The following LARP1B variants were observed in gnomAD, a reference collection of about 807,000 sequenced individuals.
LARP1B encodes the protein la-related protein 1B.
A neutral mutation model predicts 114.2 loss-of-function variants in LARP1B; 76 were observed. The ratio of observed to expected loss-of-function variants is 0.67; its 90% CI spans 0.55 to 0.81. LARP1B has a LOEUF of 0.81. Ranked by LOEUF, LARP1B falls within the 30% of genes least tolerant of loss-of-function variation. LARP1B has a pLI of 0.00. For missense variants in LARP1B, 1,014 were observed against 1,075.8 expected, an observed-to-expected ratio of 0.94 and a Z score of 0.80; for synonymous variants, 345 against 348.0, an observed-to-expected ratio of 0.99 and a Z score of 0.10.
In LARP1B at chr4:128,210,110, C is replaced by T; in HGVS notation, c.*57C>T. On this transcript the variant is annotated 3_prime_UTR_variant, in exon 20 of 20. Coordinates refer to ENST00000326639, the MANE Select transcript of LARP1B (RefSeq NM_018078.4). ...AATGGTGAAATGCCTGAGAAATAGA[C>T]TCTTATGAAAGTTCTTTGTCCTTGA... 1.9e-6 allele frequency: 3 copies of T among 1,608,672 alleles called. No homozygotes were observed. The highest frequency in any genetic ancestry group is 2.2e-5 in the South Asian group (2 of 90,448).
chr4:128,196,248 C>CAAAAAAAAAAAAAAAAAAAAAAA (rs35423896), intron 15 of LARP1B, among the ~76,000 whole-genome samples: 3 of 88,606 alleles, frequency 3.4e-5, no homozygotes, highest in African/African-American at 8.8e-5. Flanking sequence ...GAGAGTCTGT[C>CAAAAAAAAAAAAAAAAAAAAAAA]AAAAAAAAAA....
At chr4:128,088,732 T>C (rs1171920293) in intron 5 of LARP1B, among the ~76,000 whole-genome samples, 1 of 152,180 alleles carries the variant, frequency 6.6e-6, no homozygotes, top group Non-Finnish European at 1.5e-5. Flanking sequence ...TTAAATGATA[T>C]GTGTTTATAA....
intron 12 of LARP1B, among the ~76,000 whole-genome samples, chr4:128,166,659 T>C (rs1293830642): frequency 6.6e-6 from 1 of 151,748 alleles, no homozygotes; most frequent in African/African-American, 2.4e-5. Flanking sequence ...AGGTTGTACA[T>C]TAGATCTCTA....
At chr4:128,179,640 AC>A (rs1444297988) in intron 15 of LARP1B, 128 bp downstream of exon 15, 2 of 537,142 alleles carry the variant, frequency 3.7e-6, no homozygotes, top group Non-Finnish European at 6.4e-6. Flanking sequence ...TGAAAATGGT[AC>A]AAAGAAGCCA....
intron 12 of LARP1B, among the ~76,000 whole-genome samples, chr4:128,169,276 TG>T (rs1362325755): frequency 2.0e-5 from 3 of 151,998 alleles, no homozygotes; most frequent in Admixed American, 6.6e-5. Flanking sequence ...TTTCTTATTT[TG>T]TTCCTCCTTT....
At chr4:128,062,373 T>C (rs1017286860) in intron 1 of LARP1B, among the ~76,000 whole-genome samples, 8 of 152,148 alleles carry the variant, frequency 5.3e-5, no homozygotes, top group Non-Finnish European at 7.4e-5. Context: ...CAAGGTGTCA[T>C]TCACTCTGCC....
At chr4:128,074,049 T>C (rs890468403) in intron 1 of LARP1B, among the ~76,000 whole-genome samples, 2 of 152,068 alleles carry the variant, frequency 1.3e-5, no homozygotes, top group Non-Finnish European at 2.9e-5. Context: ...CAAGCGATTC[T>C]CCTGCCTCAG....
At chr4:128,219,975 T>C (rs1183562560) in intron 6 of LARP1B, among the ~76,000 whole-genome samples, 1 of 152,350 alleles carries the variant, frequency 6.6e-6, no homozygotes, top group South Asian at 2.1e-4. Context: ...AACCTCTGTC[T>C]ACCAGGTTCA....
chr4:128,108,541 T>C, intron 9 of LARP1B: 1 of 985,740 alleles, frequency 1.0e-6, no homozygotes, highest in Non-Finnish European at 1.2e-6. Context: ...TGATGGACAG[T>C]CTCACACTAT....
Position 128,122,072 on chromosome 4 carries a change from C to A in LARP1B, c.1408C>A (p.His470Asn). The A allele has an allele frequency of 6.2e-7, 1 of 1,614,024 alleles. No homozygotes were observed. The highest frequency in any genetic ancestry group is 8.5e-7 in the Non-Finnish European group (1 of 1,179,990). Residue 470 changes from histidine to asparagine, a missense_variant, in exon 11 of 20, where the codon CAC (histidine) becomes AAC (asparagine). Transcript: ENST00000326639. ...KHPGGDRTGT[H>N]MSRAKITSEL... ...TCCTGGAGGAGATCGAACAGGCACC[C>A]ACATGTCTCGGGCAAAAATCACATC...
intron 1 of LARP1B, among the ~76,000 whole-genome samples, chr4:128,070,616 G>A (rs991325471): frequency 6.6e-6 from 1 of 152,100 alleles, no homozygotes; most frequent in Non-Finnish European, 1.5e-5. Flanking sequence ...AGCCAAGATG[G>A]TGCCATTGCA....
intron 11 of LARP1B, among the ~76,000 whole-genome samples, chr4:128,150,693 C>T (rs1293275796): frequency 2.0e-5 from 3 of 151,796 alleles, no homozygotes; most frequent in South Asian, 2.1e-4. Context: ...TGCGCCACTG[C>T]ACTCCAGCCT....
chr4:128,157,056 C>A (rs1285052000), intron 11 of LARP1B, among the ~76,000 whole-genome samples: 2 of 151,042 alleles, frequency 1.3e-5, no homozygotes, highest in African/African-American at 4.9e-5. Context: ...AGAAAAAAAA[C>A]AAAAGAAACA....
At chr4:128,220,448 T>C in intron 7 of LARP1B, 1 of 581,046 alleles carries the variant, frequency 1.7e-6, no homozygotes, top group Non-Finnish European at 2.2e-6. Context: ...AAAGTGAGTA[T>C]GTGTGTGTTT....
Position 128,195,833 on chromosome 4 carries a change from A to G in LARP1B, c.2004-3606A>G, listed in dbSNP as rs539178120. Among the ~76,000 whole-genome samples, 9 of 152,376 alleles carry G rather than the reference A, an allele frequency of 5.9e-5. No homozygotes were observed. In the South Asian group the frequency reaches 1.4e-3, roughly 25 times the overall value. On this transcript the variant is annotated intron_variant, in intron 15 of 19. Transcript: ENST00000326639. ...AAAAGTTGATTCTTTGAAGAGATCA[A>G]CAAAATTGACGAAACTTTAGCTAGA...
intron 11 of LARP1B, among the ~76,000 whole-genome samples, chr4:128,152,326 C>A (rs1733199000): frequency 6.6e-6 from 1 of 151,530 alleles, no homozygotes; most frequent in African/African-American, 2.4e-5. Flanking sequence ...GCCTTAGCCT[C>A]CCGAGTAGCT....
intron 1 of LARP1B, among the ~76,000 whole-genome samples, chr4:128,070,321 A>G (rs1579757199): frequency 6.7e-6 from 1 of 150,176 alleles, no homozygotes; most frequent in African/African-American, 2.4e-5. Flanking sequence ...CTCCGTCTCA[A>G]AAAAAAAAAG....
At chr4:128,110,491 A>C (rs958522538) in intron 9 of LARP1B, among the ~76,000 whole-genome samples, 8 of 150,308 alleles carry the variant, frequency 5.3e-5, no homozygotes, top group Non-Finnish European at 7.4e-5. Flanking sequence ...GGCTAAAAAA[A>C]ACGGTGAAAC....
chr4:128,148,685 A>T (rs1351977349), intron 11 of LARP1B, among the ~76,000 whole-genome samples: 1 of 151,976 alleles, frequency 6.6e-6, no homozygotes, highest in African/African-American at 2.4e-5. Flanking sequence ...GCTGGAGCAC[A>T]GTGGCGGGGT....
Sources: gnomAD v4.1 joint callset for allele counts (sites outside exome capture counted in the v4.1 genomes callset) on GRCh38, gnomAD v4.1.1 for gene constraint, MANE v1.5 for transcripts, NCBI Gene and HGNC (gene_info 2026-07-23, HGNC 2026-07-21) for gene names.